ARHGAP27: variants seen among roughly 807,000 people sequenced by gnomAD.
ARHGAP27 encodes Rho GTPase activating protein 27.
ARHGAP27 carries 53 observed loss-of-function variants against 102.0 expected under a neutral mutation model. That is an observed-to-expected ratio of 0.52 (90% CI 0.42 to 0.65). The LOEUF (loss-of-function observed/expected upper bound fraction) is 0.65. ARHGAP27 is among the 30% of genes least tolerant of loss of function. The pLI, the probability that ARHGAP27 is intolerant of heterozygous loss-of-function variation, is 0.00. For synonymous variants in ARHGAP27, 525 were observed against 542.8 expected (o/e 0.97, Z 0.46); for missense variants, 1,117 against 1,256.2 (o/e 0.89, Z 1.68).
At chr17:45,416,474 T>C (rs2048469486) in intron 4 of ARHGAP27, among the ~76,000 whole-genome samples, 4 of 152,000 alleles carry the variant, frequency 2.6e-5, no homozygotes, top group Non-Finnish European at 1.5e-5. Flanking sequence ...TCTCTTTTTT[T>C]TTTTTCTAGT....
chr17:45,416,299 C>T (rs1175641515), intron 4 of ARHGAP27, among the ~76,000 whole-genome samples: 2 of 151,972 alleles, frequency 1.3e-5, no homozygotes, highest in Non-Finnish European at 2.9e-5. Context: ...CGTGATCCGC[C>T]CACCTCAGCC....
intron 4 of ARHGAP27, among the ~76,000 whole-genome samples, chr17:45,410,787 T>C (rs559469579): frequency 5.2e-4 from 78 of 151,166 alleles, no homozygotes; most frequent in Non-Finnish European, 1.1e-3. Context: ...GTCCACTCCC[T>C]CTAGGCCCAG....
Position 45,396,189 on chromosome 17 carries a change from G to T in ARHGAP27, c.2251+18C>A. On this transcript the variant is annotated intron_variant, in intron 17 of 19. Transcript: ENST00000685559. ...TGCGCCTTCAGGCCCTGGGGCAGGG[G>T]TTGGGGACGGGCCTCACCGTGGTCC... is the stretch of plus-strand genomic sequence containing the variant. The T allele has an allele frequency of 6.2e-7, 1 of 1,600,516 alleles. No individual in the cohort carries two copies. The highest frequency in any genetic ancestry group is 8.5e-7 in the Non-Finnish European group (1 of 1,172,578).
intron 4 of ARHGAP27, among the ~76,000 whole-genome samples, chr17:45,424,045 T>C (rs1209798175): frequency 1.3e-5 from 2 of 152,176 alleles, no homozygotes; most frequent in Non-Finnish European, 2.9e-5. Flanking sequence ...TACCTCTGCT[T>C]CCTCTCTCTG....
chr17:45,430,462 G>T lies in ARHGAP27; in HGVS notation c.-18-165C>A, dbSNP rs1274253543. ...AATGGGAACTTGCATAAAATCACAT[G>T]TAAGGCTTCCATTCTTACACTCAGT... is the stretch of plus-strand genomic sequence containing the variant. On this transcript the variant is annotated intron_variant, in intron 3 of 19. Coordinates refer to ENST00000685559, the MANE Select transcript of ARHGAP27 (RefSeq NM_001282290.2). This position sits in a 1 kb window ranked among gnomAD's most constrained non-coding sequence, Gnocchi z 4.4. 6.6e-6 allele frequency among the ~76,000 whole-genome samples: 1 copy of T among 152,178 alleles called. No homozygotes were observed.
At chr17:45,405,151 C>T in intron 5 of ARHGAP27, 45 bp from the exon 6 acceptor site, 4 of 1,502,312 alleles carry the variant, frequency 2.7e-6, no homozygotes, top group Non-Finnish European at 3.6e-6. Context: ...AGTGCCAGTA[C>T]TGCCTGCTGG....
At position 45,395,322 on chromosome 17, in the gene ARHGAP27, G is replaced by A. The variant is rs2045459931; in HGVS notation, c.*134C>T. 1 of 1,163,858 alleles carries A rather than the reference G, an allele frequency of 8.6e-7. No homozygotes were observed. Among genetic ancestry groups the A allele is most frequent in the African/African-American group, 1.6e-5 (1 of 64,008 alleles). 72.1% of individuals were successfully genotyped at this position (1,163,858 alleles called of 1,614,324 possible). On this transcript the variant is annotated 3_prime_UTR_variant, in exon 20 of 20. Coordinates refer to ENST00000685559, the MANE Select transcript of ARHGAP27 (RefSeq NM_001282290.2). ...GGGTCACCGTACCCTCAGAACCGAG[G>A]GTGCAGAAGTCACACCGGCCTGCGG...
chr17:45,401,513 T>C (rs2046437668), intron 12 of ARHGAP27: 1 of 152,218 alleles, frequency 6.6e-6, no homozygotes, highest in Non-Finnish European at 1.5e-5. Context: ...TCAGGTTCCT[T>C]GCAGAACTGT....
chr17:45,422,104 T>G (rs1445865660), intron 4 of ARHGAP27, among the ~76,000 whole-genome samples: 1 of 152,084 alleles, frequency 6.6e-6, no homozygotes, highest in Non-Finnish European at 1.5e-5. Context: ...AGGCGGAGGT[T>G]GCAGTGAGCC....
chr17:45,404,824 T>G (rs997408590), intron 6 of ARHGAP27, 100 bp downstream of exon 6: 1 of 1,560,478 alleles, frequency 6.4e-7, no homozygotes, highest in Non-Finnish European at 8.8e-7. Flanking sequence ...TTAGGCTCTG[T>G]GTGGGAGCTG....
At chr17:45,410,767 A>G (rs921319862) in intron 4 of ARHGAP27, among the ~76,000 whole-genome samples, 2 of 151,854 alleles carry the variant, frequency 1.3e-5, no homozygotes, top group Non-Finnish European at 2.9e-5. Flanking sequence ...AAACAGGACA[A>G]TGAGTGGTTG....
chr17:45,395,229 G>T lies in ARHGAP27; in HGVS notation c.*227C>A, dbSNP rs1231248411. 10 of 594,748 alleles carry T rather than the reference G, an allele frequency of 1.7e-5. No individual in the cohort carries two copies. Among genetic ancestry groups the T allele is most frequent in the Non-Finnish European group, 2.9e-5 (10 of 341,920 alleles). 36.8% of individuals were successfully genotyped at this position (594,748 alleles called of 1,614,324 possible). On this transcript the variant is annotated 3_prime_UTR_variant, in exon 20 of 20. Coordinates refer to ENST00000685559, the MANE Select transcript of ARHGAP27 (RefSeq NM_001282290.2). Reference sequence around the variant, plus strand: ...AACCGAATTAACCCCCAAACAGGACGTGACGGGAAGGGAAGGGGGGATGGG... The same window carrying T: ...AACCGAATTAACCCCCAAACAGGACTTGACGGGAAGGGAAGGGGGGATGGG...
rs150663614 is a variant in ARHGAP27, at chr17:45,398,008, C to A, written c.1783G>T (p.Asp595Tyr). 15 of 1,610,282 alleles carry A rather than the reference C, an allele frequency of 9.3e-6. No homozygotes were observed. The highest frequency in any genetic ancestry group is 6.7e-5 in the Admixed American group (4 of 59,974). Residue 595 changes from aspartate (D) to tyrosine (Y), a missense_variant, in exon 13 of 20, where the codon GAC (aspartate) becomes TAC (tyrosine). Asp to Tyr is a radical substitution (Grantham distance 160). Transcript: ENST00000685559. Reference sequence around the variant, plus strand: ...CAGGTGCTGATGATGGCCTCCGAGTCGTGCTGGATCAGGTACTCAGAGCCA... The same window carrying A: ...CAGGTGCTGATGATGGCCTCCGAGTAGTGCTGGATCAGGTACTCAGAGCCA... ...RDGSEYLIQH[D>Y]SEAIISTWHK... is the part of the protein sequence containing the mutation.
intron 9 of ARHGAP27, 39 bp from the exon 10 acceptor site, chr17:45,404,135 G>C (rs1037285597): frequency 6.8e-6 from 11 of 1,612,624 alleles, no homozygotes; most frequent in Non-Finnish European, 9.3e-6. Context: ...AGAGTGTGTA[G>C]TTAAGGGGTG....
intron 12 of ARHGAP27, among the ~76,000 whole-genome samples, chr17:45,400,211 A>C (rs1249173775): frequency 6.6e-6 from 1 of 152,214 alleles, no homozygotes; most frequent in Non-Finnish European, 1.5e-5. Flanking sequence ...CCGCACAGGC[A>C]AATGCTAGCA....
chr17:45,422,791 CCAAG>C (rs2049167855), intron 4 of ARHGAP27, among the ~76,000 whole-genome samples: 1 of 152,176 alleles, frequency 6.6e-6, no homozygotes, highest in Middle Eastern at 3.4e-3. Flanking sequence ...ACCCCTGCCC[CCAAG>C]CAAAGGATAC....
At chr17:45,428,284 A>G (rs960945891) in intron 4 of ARHGAP27, among the ~76,000 whole-genome samples, 1 of 152,266 alleles carries the variant, frequency 6.6e-6, no homozygotes, top group African/African-American at 2.4e-5. Flanking sequence ...GCGGAGACCC[A>G]GGGAAGCCAA....
intron 4 of ARHGAP27, among the ~76,000 whole-genome samples, chr17:45,415,336 C>G (rs2048348475): frequency 1.3e-5 from 2 of 152,128 alleles, no homozygotes; most frequent in African/African-American, 4.8e-5. Context: ...TTTTTCTTTG[C>G]TACTGCTCAG....
At chr17:45,395,941 C>G (rs62064597) in intron 18 of ARHGAP27, 42 bp downstream of exon 18, 245,376 of 1,574,652 alleles carry the variant, frequency 0.16, 22,010 homozygotes, top group Middle Eastern at 0.18. Context: ...GGTGCCCCGC[C>G]ACGCCCCTAC....
Sources: gnomAD v4.1 joint callset for allele counts (sites outside exome capture counted in the v4.1 genomes callset) on GRCh38, gnomAD v4.1.1 for gene constraint, Gnocchi (gnomAD v3.1) non-coding constraint, MANE v1.5 for transcripts, NCBI Gene and HGNC (gene_info 2026-07-23, HGNC 2026-07-21) for gene names.